The following ZFHX3 variants were observed in gnomAD, a reference collection of about 807,000 sequenced individuals.
ZFHX3 encodes the protein zinc finger homeobox protein 3.
A neutral mutation model predicts 279.1 loss-of-function variants in ZFHX3; 42 were observed. That is an observed-to-expected ratio of 0.15 (90% CI 0.12 to 0.19). The LOEUF (loss-of-function observed/expected upper bound fraction) is 0.19, where lower values mean the gene tolerates loss of function less well. ZFHX3 is among the 10% of genes least tolerant of loss of function. The probability of loss-of-function intolerance (pLI) is 1.00; values close to 1 mark genes in which losing one functional copy is unlikely to be tolerated. For synonymous variants in ZFHX3, 2,293 were observed against 1,957.8 expected, an observed-to-expected ratio of 1.17 and a Z score of -4.52; for missense variants, 4,981 against 4,754.0, an observed-to-expected ratio of 1.05 and a Z score of -1.40.
At chr16:73,837,786 G>A (rs1255289864) in intron 1 of ZFHX3, among the ~76,000 whole-genome samples, 1 of 152,094 alleles carries the variant, frequency 6.6e-6, no homozygotes, top group East Asian at 1.9e-4. Flanking sequence ...ACAGGCATGC[G>A]CCACCACGCC....
At chr16:73,647,142 A>G (rs1320970426) in intron 2 of ZFHX3, among the ~76,000 whole-genome samples, 1 of 151,668 alleles carries the variant, frequency 6.6e-6, no homozygotes, top group Non-Finnish European at 1.5e-5. Context: ...CCTCTGGAGC[A>G]GCTGGGACTA....
At chr16:73,793,282 C>A (rs927347418) in intron 1 of ZFHX3, among the ~76,000 whole-genome samples, 8 of 152,204 alleles carry the variant, frequency 5.3e-5, no homozygotes, top group African/African-American at 1.9e-4. Context: ...AAAAAAATTT[C>A]TCTGTACATT....
chr16:73,309,978 CG>C (rs1440647247), intron 4 of ZFHX3, among the ~76,000 whole-genome samples: 2 of 143,616 alleles, frequency 1.4e-5, no homozygotes, highest in Middle Eastern at 4.1e-3. Context: ...GAGCAATCTC[CG>C]CTCACTGCAA....
intron 8 of ZFHX3, among the ~76,000 whole-genome samples, chr16:73,065,739 G>A (rs967647451): frequency 7.9e-5 from 12 of 151,878 alleles, no homozygotes; most frequent in African/African-American, 2.7e-4. Context: ...ACGTCTAAAG[G>A]GACGGTTTAA....
At chr16:73,746,484 T>C (rs386643) in intron 1 of ZFHX3, among the ~76,000 whole-genome samples, 12,318 of 152,206 alleles carry the variant, frequency 0.081, 1,255 homozygotes, top group African/African-American at 0.24. Context: ...ACAGAATACT[T>C]AATACAGAGT....
chr16:73,113,793 C>CTTTTTTTTT (rs71391487), intron 7 of ZFHX3, among the ~76,000 whole-genome samples: 5 of 102,980 alleles, frequency 4.9e-5, no homozygotes, highest in Non-Finnish European at 7.3e-5. Context: ...TTTTTGGAAA[C>CTTTTTTTTT]TTTTTTTTTT....
At chr16:72,938,267 C>T (rs1960225416) in intron 3 of ZFHX3, among the ~76,000 whole-genome samples, 1 of 152,262 alleles carries the variant, frequency 6.6e-6, no homozygotes, top group Admixed American at 6.5e-5. Context: ...AGATACTTTC[C>T]AACAGGGCCC....
intron 4 of ZFHX3, among the ~76,000 whole-genome samples, chr16:72,839,528 G>C (rs568044598): frequency 6.6e-6 from 1 of 152,060 alleles, no homozygotes; most frequent in Non-Finnish European, 1.5e-5. Context: ...AAACAAAGGA[G>C]TCAAGAAAAA....
At chr16:73,722,037 C>G (rs1322956361) in intron 1 of ZFHX3, among the ~76,000 whole-genome samples, 1 of 152,140 alleles carries the variant, frequency 6.6e-6, no homozygotes, top group Non-Finnish European at 1.5e-5. Flanking sequence ...AGAGAGAGAT[C>G]CTGTCTCAAA....
In ZFHX3 at chr16:73,507,329, C is replaced by T. The variant is rs972647860; in HGVS notation, c.-1546-51071G>A. Among the ~76,000 whole-genome samples the T allele has an allele frequency of 2.0e-5, 3 of 152,062 alleles. No homozygotes were observed. The South Asian group carries it at 6.2e-4, about 32-fold the overall frequency. On this transcript the variant is annotated intron_variant, in intron 2 of 17. Coordinates refer to the ZFHX3 transcript ENST00000641206. Reference sequence around the variant, plus strand: ...ATACTGAGTTTAATGGGCTGAAGGCCAGATTCCTTTAAGTTCAATACAAAA... The same window carrying T: ...ATACTGAGTTTAATGGGCTGAAGGCTAGATTCCTTTAAGTTCAATACAAAA...
chr16:72,985,645 C>T (rs186199597), intron 1 of ZFHX3, among the ~76,000 whole-genome samples: 32 of 152,292 alleles, frequency 2.1e-4, no homozygotes, highest in African/African-American at 6.7e-4. Flanking sequence ...CACAAAAAGA[C>T]GCCTTTAAAA....
At chr16:73,800,824 C>G (rs1173287324) in intron 1 of ZFHX3, among the ~76,000 whole-genome samples, 2 of 152,156 alleles carry the variant, frequency 1.3e-5, no homozygotes, top group South Asian at 4.1e-4. Flanking sequence ...AAAAGAAAAA[C>G]AGCACCCATC....
intron 7 of ZFHX3, among the ~76,000 whole-genome samples, chr16:73,104,225 T>G (rs112457569): frequency 5.7e-5 from 4 of 69,810 alleles, no homozygotes; most frequent in African/African-American, 1.3e-4. Flanking sequence ...TTTTATGTAT[T>G]TATTTATTTA....
At chr16:73,482,342 C>T (rs867078196) in intron 2 of ZFHX3, among the ~76,000 whole-genome samples, 1 of 152,292 alleles carries the variant, frequency 6.6e-6, no homozygotes, top group Middle Eastern at 3.4e-3. Context: ...CATTCTGATC[C>T]CACTGAAATC....
intron 2 of ZFHX3, among the ~76,000 whole-genome samples, chr16:73,508,687 A>G (rs1051138298): frequency 4.6e-5 from 7 of 152,234 alleles, no homozygotes; most frequent in Non-Finnish European, 8.8e-5. Flanking sequence ...AACACAGCCC[A>G]GAGAGAATAG....
chr16:73,302,580 A>G (rs1597272546), intron 4 of ZFHX3, among the ~76,000 whole-genome samples: 1 of 152,244 alleles, frequency 6.6e-6, no homozygotes, highest in Admixed American at 6.5e-5. Context: ...AGGTTTATGA[A>G]CTAGAGAGCA....
chr16:73,088,998 A>C (rs780973282), intron 8 of ZFHX3, among the ~76,000 whole-genome samples: 2 of 152,220 alleles, frequency 1.3e-5, no homozygotes, highest in Non-Finnish European at 1.5e-5. Flanking sequence ...GGGCCTCTGC[A>C]TTTGAACTTA....
intron 1 of ZFHX3, among the ~76,000 whole-genome samples, chr16:73,878,913 A>G (rs1240122472): frequency 6.7e-6 from 1 of 149,156 alleles, no homozygotes; most frequent in Non-Finnish European, 1.5e-5. Context: ...ATCCAGTCCT[A>G]CATCCTTCAC....
intron 1 of ZFHX3, among the ~76,000 whole-genome samples, chr16:73,036,779 A>G (rs1338982493): frequency 6.6e-6 from 1 of 152,202 alleles, no homozygotes; most frequent in Non-Finnish European, 1.5e-5. Flanking sequence ...GTGGCAGGAC[A>G]GGTCTGAACT....
Sources: allele counts gnomAD v4.1 joint callset (sites outside exome capture counted in the v4.1 genomes callset), GRCh38; gene constraint gnomAD v4.1.1; transcripts MANE v1.5; gene names NCBI Gene and HGNC (gene_info 2026-07-23, HGNC 2026-07-21).